DMD: variants seen among roughly 807,000 people sequenced by gnomAD.
DMD encodes the protein dystrophin.
Under a neutral mutation model 330.1 loss-of-function variants are expected in DMD, and 63 were observed. The observed-to-expected ratio is 0.19, with a 90% CI of 0.16 to 0.24. The LOEUF (loss-of-function observed/expected upper bound fraction) is 0.24. DMD is among the 10% of genes least tolerant of loss of function. The probability of loss-of-function intolerance (pLI) is 1.00; values close to 1 mark genes in which losing one functional copy is unlikely to be tolerated. For missense variants in DMD, 3,344 were observed against 2,684.1 expected (o/e 1.25, Z -5.43); for synonymous variants, 1,223 against 959.8 (o/e 1.27, Z -5.07).
Position 32,561,732 on chromosome X carries a change from C to T in DMD, c.1992+3970G>A, listed in dbSNP as rs144817920. The stretch of plus-strand genomic sequence containing the variant: ...TACTGAGCAGACCAACCCCAACATA[C>T]GTAATCATACAATTCTCCAGGTTTA... On this transcript the variant is annotated intron_variant, in intron 16 of 78. Coordinates refer to ENST00000357033, the MANE Select transcript of DMD (RefSeq NM_004006.3). 3.1e-3 allele frequency among the ~76,000 whole-genome samples: 341 copies of T among 111,306 alleles called. 11 individuals are homozygous for T. The East Asian group carries it at 0.085, about 28-fold the overall frequency.
intron 7 of DMD, among the ~76,000 whole-genome samples, chrX:32,723,257 C>A (rs892394005): frequency 9.9e-5 from 11 of 111,288 alleles, no homozygotes; most frequent in African/African-American, 3.6e-4. Flanking sequence ...GTTAAACCAA[C>A]CTTGTGTCCT....
At chrX:31,250,489 G>T (rs773600592) in intron 63 of DMD, among the ~76,000 whole-genome samples, 2 of 111,859 alleles carry the variant, frequency 1.8e-5, no homozygotes, top group Non-Finnish European at 3.8e-5. Flanking sequence ...ATCCTCCCCC[G>T]ACCTGAGTCA....
intron 61 of DMD, among the ~76,000 whole-genome samples, chrX:31,341,253 A>G (rs1426575262): frequency 8.9e-6 from 1 of 112,362 alleles, no homozygotes; most frequent in African/African-American, 3.2e-5. Context: ...CTGTAACCCT[A>G]TGAAATAATA....
chrX:32,790,778 G>A (rs1392435365), intron 7 of DMD, among the ~76,000 whole-genome samples: 1 of 111,380 alleles, frequency 9.0e-6, no homozygotes, highest in Admixed American at 9.6e-5. Flanking sequence ...CGACGCACAG[G>A]CTACCCAGGC....
chrX:32,648,083 A>C (rs1044961562), intron 9 of DMD, among the ~76,000 whole-genome samples: 2 of 111,989 alleles, frequency 1.8e-5, no homozygotes, highest in African/African-American at 3.2e-5. Context: ...AATATTAAAC[A>C]CTTTATGATT....
intron 2 of DMD, among the ~76,000 whole-genome samples, chrX:32,989,156 A>G (rs2092918136): frequency 8.9e-6 from 1 of 112,006 alleles, no homozygotes; most frequent in Non-Finnish European, 1.9e-5. Flanking sequence ...GTGACTCTGT[A>G]GCTCATGAGT....
At chrX:32,874,013 G>A (rs994500289) in intron 2 of DMD, among the ~76,000 whole-genome samples, 2 of 111,612 alleles carry the variant, frequency 1.8e-5, no homozygotes, top group African/African-American at 6.5e-5. Context: ...CTAGGATAGC[G>A]CCTGAAAATG....
At chrX:31,862,937 G>C (rs947173607) in intron 48 of DMD, among the ~76,000 whole-genome samples, 1 of 112,888 alleles carries the variant, frequency 8.9e-6, no homozygotes, top group Non-Finnish European at 1.9e-5. Flanking sequence ...CAGCAGTTAC[G>C]TCAGGCCAGG....
intron 7 of DMD, among the ~76,000 whole-genome samples, chrX:32,736,791 A>G (rs1353772262): frequency 1.9e-5 from 2 of 107,559 alleles, no homozygotes; most frequent in African/African-American, 3.5e-5. Flanking sequence ...GGGTAGGGAT[A>G]GCACTGGGAG....
intron 9 of DMD, among the ~76,000 whole-genome samples, chrX:32,666,581 C>A (rs2061318257): frequency 9.0e-6 from 1 of 110,956 alleles, no homozygotes; most frequent in Non-Finnish European, 1.9e-5. Flanking sequence ...ATATGTGCCA[C>A]ATTTTCTTTA....
At chrX:31,215,245 CTT>C (rs765161735) in intron 64 of DMD, among the ~76,000 whole-genome samples, 12 of 99,794 alleles carry the variant, frequency 1.2e-4, no homozygotes, top group African/African-American at 4.0e-4. Flanking sequence ...CCAGCCGATA[CTT>C]TTTTTTTTTT....
intron 43 of DMD, among the ~76,000 whole-genome samples, chrX:32,260,828 T>G (rs768154722): frequency 2.7e-4 from 30 of 112,032 alleles, no homozygotes; most frequent in African/African-American, 9.4e-4. Flanking sequence ...TGGTGAGGAC[T>G]TTTATATATA....
At chrX:32,276,993 T>C (rs905211857) in intron 43 of DMD, among the ~76,000 whole-genome samples, 2 of 110,678 alleles carry the variant, frequency 1.8e-5, no homozygotes, top group African/African-American at 6.6e-5. Context: ...AGATACAGTG[T>C]CTGAATGGAT....
At chrX:31,657,025 C>A (rs1241811036) in intron 54 of DMD, among the ~76,000 whole-genome samples, 1 of 111,806 alleles carries the variant, frequency 8.9e-6, no homozygotes, top group South Asian at 3.7e-4. Flanking sequence ...TATCTCATTT[C>A]TCCTAAGACT....
chrX:31,736,575 T>C (rs758385879), intron 51 of DMD, among the ~76,000 whole-genome samples: 2 of 111,915 alleles, frequency 1.8e-5, no homozygotes, highest in Admixed American at 1.9e-4. Context: ...TTTAGAAACA[T>C]TTACTAAACT....
intron 16 of DMD, among the ~76,000 whole-genome samples, chrX:32,548,085 T>C (rs2049155381): frequency 9.0e-6 from 1 of 111,578 alleles, no homozygotes; most frequent in Non-Finnish European, 1.9e-5. Flanking sequence ...GACACCATAG[T>C]CAATCAAAGA....
rs56238915 is a variant in DMD, at chrX:32,394,923, A to AAAAAC, written c.4234-4743_4234-4742insGTTTT. Among the ~76,000 whole-genome samples the AAAAAC allele has an allele frequency of 8.5e-4, 79 of 92,611 alleles. 1 individual carries two copies. The highest frequency in any genetic ancestry group is 2.9e-3 in the African/African-American group (68 of 23,726). The allele number at this position is 92,611 out of a possible 115,157, so 80.4% of individuals were successfully genotyped here. A position where few individuals can be genotyped will look rare whatever the true frequency, so the allele number is the denominator to read the frequency against. On this transcript the variant is annotated intron_variant, in intron 30 of 78. Transcript: ENST00000357033. Reference sequence around the variant, plus strand: ...GAGCAAAAAACAAAAAAACAAAAAAAAAAAAAAAAAGAAAAGAAATCATCA... The same window carrying AAAAAC: ...GAGCAAAAAACAAAAAAACAAAAAAAAAAACAAAAAAAAAAGAAAAGAAATCATCA...
At chrX:31,569,652 A>ATATATACGTATATATACGTATATATACG (rs2075695147) in intron 55 of DMD, among the ~76,000 whole-genome samples, 8 of 93,197 alleles carry the variant, frequency 8.6e-5, no homozygotes, top group African/African-American at 3.3e-4. Flanking sequence ...GTATATACGT[A>ATATATACGTATATATACGTATATATACG]TATATACGTA....
At chrX:31,351,944 A>C (rs1374140283) in intron 60 of DMD, among the ~76,000 whole-genome samples, 1 of 110,529 alleles carries the variant, frequency 9.0e-6, no homozygotes, top group Admixed American at 9.7e-5. Flanking sequence ...TAAAAAAAAA[A>C]AACTTGCCTA....
Sources: allele counts gnomAD v4.1 joint callset (sites outside exome capture counted in the v4.1 genomes callset), GRCh38; gene constraint gnomAD v4.1.1; transcripts MANE v1.5; gene names NCBI Gene and HGNC (gene_info 2026-07-23, HGNC 2026-07-21).